Variants in NPIPB11 observed in about 807,000 individuals in gnomAD.
NPIPB11 encodes the protein nuclear pore complex-interacting protein family member B11.
In NPIPB11, 17 loss-of-function variants were observed where a neutral mutation model predicts 32.8. The ratio of observed to expected loss-of-function variants is 0.52; its 90% CI spans 0.35 to 0.78. The LOEUF (loss-of-function observed/expected upper bound fraction) is 0.78. NPIPB11 is among the 30% of genes least tolerant of loss of function. The pLI is 0.01. For missense variants in NPIPB11, 537 were observed against 1,000.4 expected, an observed-to-expected ratio of 0.54 and a Z score of 6.25; for synonymous variants, 209 against 398.4, an observed-to-expected ratio of 0.52 and a Z score of 5.66.
At chr16:29,405,547 G>A (rs953705555), upstream of NPIPB11, among the ~76,000 whole-genome samples, 4 of 152,166 alleles carry the variant, frequency 2.6e-5, no homozygotes, top group African/African-American at 9.7e-5. Flanking sequence ...TTGCAAGGTA[G>A]TTAGTTGTTT....
At chr16:29,389,668 G>GAAAAAAAAAA (rs1160526743) in intron 5 of NPIPB11, among the ~76,000 whole-genome samples, 5 of 17,290 alleles carry the variant, frequency 2.9e-4, no homozygotes, top group South Asian at 3.1e-3. Context: ...TCCATCTCAG[G>GAAAAAAAAAA]AAAAAAAAAA....
At chr16:29,396,564 C>G (rs2142132834) in intron 2 of NPIPB11, among the ~76,000 whole-genome samples, 1 of 150,092 alleles carries the variant, frequency 6.7e-6, no homozygotes, top group African/African-American at 2.4e-5. Context: ...GAGTTCAAAA[C>G]CAGCCTGACC....
chr16:29,397,729 G>T (rs1219416690), intron 2 of NPIPB11: 3 of 353,818 alleles, frequency 8.5e-6, no homozygotes, highest in Non-Finnish European at 1.5e-5. Context: ...GACGGGGACC[G>T]GGCCCGGATC....
upstream of NPIPB11, among the ~76,000 whole-genome samples, chr16:29,406,451 C>A (rs545692323): frequency 1.5e-3 from 214 of 147,086 alleles, no homozygotes; most frequent in East Asian, 4.6e-3. Flanking sequence ...GGCACCGTCA[C>A]TCATGCCTGT....
Position 29,397,662 on chromosome 16 carries a change from G to A in NPIPB11, c.121-3586C>T, listed in dbSNP as rs190020604. The A allele has an allele frequency of 5.0e-3, 6,666 of 1,341,284 alleles. 288 individuals are homozygous for A. In the African/African-American group the frequency reaches 0.086, roughly 17 times the overall value. 83.1% of individuals were successfully genotyped at this position (1,341,284 alleles called of 1,614,324 possible). ...CCGCATGTCCTGGTCCTTTCAGGGC[G>A]CCCTGAGGCGTCCAGGACAGAGGTG... On this transcript the variant is annotated intron_variant, in intron 2 of 7. Coordinates refer to ENST00000524087, the Ensembl canonical transcript of NPIPB11.
exon 5 of NPIPB11, chr16:29,390,042 A>G (rs953431320): frequency 6.3e-7 from 1 of 1,595,246 alleles, no homozygotes; most frequent in African/African-American, 1.3e-5. Flanking sequence ...TTGTTTCCAC[A>G]TGCCTCCGTA....
chr16:29,399,904 C>T (rs908111217), intron 2 of NPIPB11, among the ~76,000 whole-genome samples: 1 of 151,796 alleles, frequency 6.6e-6, no homozygotes, highest in African/African-American at 2.4e-5. Context: ...TGGTGAAACC[C>T]CGTCTCTACT....
chr16:29,399,111 G>A (rs1191980040), intron 2 of NPIPB11, among the ~76,000 whole-genome samples: 1 of 151,396 alleles, frequency 6.6e-6, no homozygotes, highest in Non-Finnish European at 1.5e-5. Context: ...TGGGTGGGGA[G>A]CTCCAAGCAG....
chr16:29,399,297 T>C (rs1230535569), intron 2 of NPIPB11, among the ~76,000 whole-genome samples: 3 of 151,082 alleles, frequency 2.0e-5, no homozygotes, highest in Non-Finnish European at 4.4e-5. Context: ...CTTTACCATT[T>C]ACTATGACAT....
chr16:29,390,681 G>A lies in NPIPB11; in HGVS notation c.250-333C>T, dbSNP rs573711997. Reference sequence around the variant, plus strand: ...ACACACACACACACAAGAATGACATGAGGCTGGCACAGTGGCTCACTCCTG... The same window carrying A: ...ACACACACACACACAAGAATGACATAAGGCTGGCACAGTGGCTCACTCCTG... On this transcript the variant is annotated intron_variant, in intron 3 of 7. Coordinates refer to ENST00000524087, the Ensembl canonical transcript of NPIPB11. Among the ~76,000 whole-genome samples, 17 of 140,304 alleles carry A rather than the reference G, an allele frequency of 1.2e-4. No homozygotes were observed. In the South Asian group the frequency reaches 3.6e-3, roughly 30 times the overall value. The allele number at this position is 140,304 out of a possible 152,430, so 92.0% of individuals were successfully genotyped here. A position where few individuals can be genotyped will look rare whatever the true frequency, so the allele number is the denominator to read the frequency against.
intron 3 of NPIPB11, among the ~76,000 whole-genome samples, chr16:29,390,961 CAAAAAAA>C (rs1173802573): frequency 7.0e-4 from 59 of 84,556 alleles, no homozygotes; most frequent in Non-Finnish European, 9.0e-4. Flanking sequence ...GAAACTGTCT[CAAAAAAA>C]AAAAAAAAAA....
intron 3 of NPIPB11, among the ~76,000 whole-genome samples, chr16:29,393,522 C>T (rs1454800224): frequency 6.6e-6 from 1 of 151,868 alleles, no homozygotes; most frequent in South Asian, 2.1e-4. Flanking sequence ...TATGCCTGTT[C>T]TATGTTTTTC....
At position 29,383,744 on chromosome 16, in the gene NPIPB11, CTG is replaced by C; in HGVS notation, c.1186_1187del (p.Gln396AlafsTer14). The C allele has an allele frequency of 1.1e-5, 5 of 473,384 alleles. 2 individuals are homozygous for C. The African/African-American group carries it at 4.1e-4, about 39-fold the overall frequency. The allele number at this position is 473,384 out of a possible 1,614,324, so 29.3% of individuals were successfully genotyped here. The stretch of plus-strand genomic sequence containing the variant: ...GAGCTGAGGGTGGAAGGGGAGTGAG[CTG>C]ACGCTCAGAAGGTGTCTTGAGATTA... On this transcript the variant is annotated frameshift_variant, in exon 8 of 8. Transcript: ENST00000524087. LOFTEE classifies it low-confidence loss of function (END_TRUNC).
chr16:29,401,651 A>G (rs552718334), intron 2 of NPIPB11, among the ~76,000 whole-genome samples: 5 of 152,202 alleles, frequency 3.3e-5, no homozygotes, highest in Non-Finnish European at 7.4e-5. Flanking sequence ...GGGCCACTTG[A>G]AAGTGGATGT....
At chr16:29,383,037 C>T (rs778623633) in exon 8 of NPIPB11, 3 of 1,609,316 alleles carry the variant, frequency 1.9e-6, no homozygotes, top group African/African-American at 2.7e-5. Context: ...ACGGTGGAAG[C>T]GGAACCCGCA....
At chr16:29,405,470 C>T (rs895145728), upstream of NPIPB11, among the ~76,000 whole-genome samples, 20 of 152,094 alleles carry the variant, frequency 1.3e-4, 1 homozygote, top group East Asian at 1.5e-3. Context: ...TTAATTAAGC[C>T]GTCACCACGT....
At chr16:29,403,040 G>A (rs1296016765) in intron 2 of NPIPB11, among the ~76,000 whole-genome samples, 2 of 150,398 alleles carry the variant, frequency 1.3e-5, no homozygotes, top group African/African-American at 2.5e-5. Flanking sequence ...TAGTTTAGAA[G>A]CTGTTGATTT....
chr16:29,395,919 A>C (rs910452881), intron 2 of NPIPB11, among the ~76,000 whole-genome samples: 2 of 151,372 alleles, frequency 1.3e-5, no homozygotes, highest in African/African-American at 4.9e-5. Flanking sequence ...CAGAGGTTGC[A>C]GTGAGCCGAG....
At chr16:29,393,310 C>T (rs975226991) in intron 3 of NPIPB11, among the ~76,000 whole-genome samples, 10 of 151,550 alleles carry the variant, frequency 6.6e-5, no homozygotes, top group African/African-American at 2.2e-4. Context: ...TTTGTCACCT[C>T]GTCCCTATGA....
Sources: allele counts gnomAD v4.1 joint callset (sites outside exome capture counted in the v4.1 genomes callset), GRCh38; gene constraint gnomAD v4.1.1; transcripts MANE v1.5; gene names NCBI Gene and HGNC (gene_info 2026-07-23, HGNC 2026-07-21).